ISCA2: variants seen among roughly 807,000 people sequenced by gnomAD.
ISCA2 encodes the protein iron-sulfur cluster assembly 2.
In ISCA2, 21 loss-of-function variants were observed where a neutral mutation model predicts 19.1. That is an observed-to-expected ratio of 1.10 (90% CI 0.78 to 1.59). The LOEUF is 1.59. ISCA2 is among the 40% of genes most tolerant of loss of function. ISCA2 has a pLI of 0.00. For synonymous variants in ISCA2, 107 were observed against 83.8 expected (o/e 1.28, Z -1.51); for missense variants, 181 against 191.7 (o/e 0.94, Z 0.33).
At position 74,495,042 on chromosome 14, in the gene ISCA2, A is replaced by G. The variant is rs2086833215; in HGVS notation, c.*42A>G. On this transcript the variant is annotated 3_prime_UTR_variant, in exon 4 of 4. Coordinates refer to ENST00000556816, the MANE Select transcript of ISCA2 (RefSeq NM_194279.4). ...TCTGGGATTGTCACCAGTTGTACCAATTTGAAGAACCTGGAATTAGTAGAA... is the reference window on the plus strand; with the variant it reads ...TCTGGGATTGTCACCAGTTGTACCAGTTTGAAGAACCTGGAATTAGTAGAA... 1 of 1,443,472 alleles carries G rather than the reference A, an allele frequency of 6.9e-7. No individual in the cohort carries two copies. Among genetic ancestry groups the G allele is most frequent in the African/African-American group, 1.4e-5 (1 of 70,956 alleles). The allele number at this position is 1,443,472 out of a possible 1,614,324, so 89.4% of individuals were successfully genotyped here.
intron 3 of ISCA2, 39 bp from the exon 4 acceptor site, chr14:74,494,787 T>C (rs749441736): frequency 1.3e-6 from 2 of 1,589,564 alleles, no homozygotes; most frequent in Admixed American, 3.5e-5. Flanking sequence ...CTTTTTTGTG[T>C]TTGCGATACT....
At position 74,494,289 on chromosome 14, in the gene ISCA2, C is replaced by T. The variant is rs2086819732; in HGVS notation, c.189C>T (p.Ile63=). The T allele has an allele frequency of 3.7e-6, 6 of 1,614,000 alleles. No individual in the cohort carries two copies. Among genetic ancestry groups the T allele is most frequent in the Non-Finnish European group, 5.1e-6 (6 of 1,179,844 alleles). ...CTGCATTTCAGAGGCTTTTGGAAAT[C>T]ACCGAAGGGTCAGAATTCCTCAGGC... ...TDSCVQRLLE[I]TEGSEFLRLQ... The change falls in exon 3 of 4, where the codon ATC becomes ATT. Residue 63 remains isoleucine (I), a synonymous_variant. Coordinates refer to ENST00000556816, the MANE Select transcript of ISCA2 (RefSeq NM_194279.4).
chr14:74,494,108 G>C lies in ISCA2; in HGVS notation c.130G>C (p.Glu44Gln), dbSNP rs201157942. ...TCGGGAGGCGTCGTCCTCCAGCCCC[G>C]AGGCCGGCGAAGGGCAGATCCGCCT... ...ARREASSSSP[E>Q]AGEGQIRLTD... The change falls in exon 2 of 4, where the codon GAG becomes CAG. Residue 44 changes from glutamate to glutamine, a missense_variant. Physicochemically the swap from Glu to Gln is conservative, Grantham distance 29. Transcript: ENST00000556816. The C allele has an allele frequency of 6.7e-5, 105 of 1,576,068 alleles. No homozygotes were observed. In the East Asian group the frequency reaches 2.2e-3, roughly 33 times the overall value.
intron 3 of ISCA2, 40 bp downstream of exon 3, chr14:74,494,430 G>A (rs1217579439): frequency 4.9e-6 from 7 of 1,435,400 alleles, no homozygotes; most frequent in Non-Finnish European, 6.9e-6. Context: ...AGGTACAGGA[G>A]GGACAAAAGT....
intron 2 of ISCA2, 43 bp from the exon 3 acceptor site, chr14:74,494,232 C>A: frequency 6.3e-7 from 1 of 1,598,790 alleles, no homozygotes; most frequent in Non-Finnish European, 8.6e-7. Flanking sequence ...AGCCCTTTAA[C>A]TCCCGTTTCC....
rs2086847626 is a variant in ISCA2 at position 74,496,498 on chromosome 14, T to C, written c.*1498T>C. ...GAAGGAGGCAGAAAGCAGCATACCA[T>C]GGGAGCATCTGTGTGCACACATGAC... On this transcript the variant is annotated 3_prime_UTR_variant, in exon 4 of 4. Transcript: ENST00000556816. 6.6e-6 allele frequency: 1 copy of C among 152,178 alleles called. No homozygotes were observed. Among genetic ancestry groups the C allele is most frequent in the Non-Finnish European group, 1.5e-5 (1 of 68,042 alleles). 9.4% of individuals were successfully genotyped at this position (152,178 alleles called of 1,614,324 possible). A position where few individuals can be genotyped will look rare whatever the true frequency, so the allele number is the denominator to read the frequency against.
chr14:74,494,070 G>A lies in ISCA2; in HGVS notation c.92G>A (p.Gly31Glu). The stretch of plus-strand genomic sequence containing the variant: ...CGCAGGCTCCTCACGGCCTCCCTGG[G>A]ACCCCAGGCGCGTCGGGAGGCGTCG... The part of the protein sequence containing the change: ...PRGRLLTASL[G>E]PQARREASSS... The change falls in exon 2 of 4, where the codon GGA becomes GAA. Residue 31 changes from glycine (G) to glutamate (E), a missense_variant. Coordinates refer to ENST00000556816, the MANE Select transcript of ISCA2 (RefSeq NM_194279.4). 1.3e-6 allele frequency: 2 copies of A among 1,548,394 alleles called. No homozygotes were observed. Among genetic ancestry groups the A allele is most frequent in the Non-Finnish European group, 1.7e-6 (2 of 1,150,146 alleles).
At position 74,493,909 on chromosome 14, in the gene ISCA2, A is replaced by C. The variant is rs1237095762; in HGVS notation, c.71+64A>C. The C allele has an allele frequency of 1.3e-6, 2 of 1,509,550 alleles. No individual in the cohort carries two copies. The highest frequency in any genetic ancestry group is 1.8e-6 in the Non-Finnish European group (2 of 1,110,726). 93.5% of individuals were successfully genotyped at this position (1,509,550 alleles called of 1,614,324 possible). On this transcript the variant is annotated intron_variant, in intron 1 of 3. Coordinates refer to ENST00000556816, the MANE Select transcript of ISCA2 (RefSeq NM_194279.4). This position sits in a 1 kb window ranked among gnomAD's most constrained non-coding sequence, Gnocchi z 4.1. ...TTCTGCGCCTCTAGGACAAATGGGA[A>C]ACTAAGGCCTGTGGGGGATGCGAGG...
intron 1 of ISCA2, 27 bp from the exon 2 acceptor site, chr14:74,494,023 G>A: frequency 6.6e-7 from 1 of 1,524,108 alleles, no homozygotes; most frequent in Non-Finnish European, 8.8e-7. Flanking sequence ...TTCTGCTCCC[G>A]GGCTCACCCT....
At chr14:74,494,237 G>C in intron 2 of ISCA2, 38 bp from the exon 3 acceptor site, 14 of 1,601,530 alleles carry the variant, frequency 8.7e-6, no homozygotes, top group Non-Finnish European at 1.2e-5. Context: ...TTTAACTCCC[G>C]TTTCCCGCTA....
At chr14:74,494,585 C>T (rs1235960114) in intron 3 of ISCA2, 195 bp downstream of exon 3, 1 of 625,076 alleles carries the variant, frequency 1.6e-6, no homozygotes, top group South Asian at 2.0e-5. Flanking sequence ...ATTGATCTGC[C>T]CAGGTCCATT....
rs1412525145 is a variant in ISCA2 at position 74,496,963 on chromosome 14, A to AAAATT, written c.*1966_*1970dup. 1 of 152,108 alleles carries AAAATT rather than the reference A, an allele frequency of 6.6e-6. No individual in the cohort carries two copies. Among genetic ancestry groups the AAAATT allele is most frequent in the Non-Finnish European group, 1.5e-5 (1 of 68,038 alleles). 9.4% of individuals were successfully genotyped at this position (152,108 alleles called of 1,614,324 possible). On this transcript the variant is annotated 3_prime_UTR_variant, in exon 4 of 4. Coordinates refer to ENST00000556816, the MANE Select transcript of ISCA2 (RefSeq NM_194279.4). ...AAACCCCATCTCTACTAAAAATACA[A>AAAATT]AAATTAACTGCGTGGTGGACACCTG... is the stretch of plus-strand genomic sequence containing the variant.
chr14:74,493,799 C>T lies in ISCA2; in HGVS notation c.25C>T (p.Leu9=), dbSNP rs1478129518. The part of the protein sequence containing the change: MAAAWGSS[L]TAATQRAVTP... ...GATGGCTGCCGCCTGGGGGTCGTCC[C>T]TAACGGCCGCGACGCAGAGAGCGGT... Residue 9 remains leucine, a synonymous_variant, in exon 1 of 4, where the codon CTA becomes TTA. Transcript: ENST00000556816. The surrounding 1 kb of genome is among the most constrained non-coding windows in gnomAD (Gnocchi z 4.1). The T allele has an allele frequency of 7.8e-6, 12 of 1,537,478 alleles. No homozygotes were observed. Among genetic ancestry groups the T allele is most frequent in the Non-Finnish European group, 9.6e-6 (11 of 1,144,852 alleles).
Position 74,494,875 on chromosome 14 carries a change from G to T in ISCA2, c.340G>T (p.Ala114Ser). 3 of 1,614,180 alleles carry T rather than the reference G, an allele frequency of 1.9e-6. No individual in the cohort carries two copies. The highest frequency in any genetic ancestry group is 2.5e-6 in the Non-Finnish European group (3 of 1,180,014). ...AGTGGTGGTTGACTCTGATAGCTTG[G>T]CCTTCGTGAAAGGGGCCCAGGTGGA... ...ARVVVDSDSL[A>S]FVKGAQVDFS... Residue 114 changes from alanine to serine, a missense_variant, in exon 4 of 4, where the codon GCC (alanine) becomes TCC (serine). Transcript: ENST00000556816.
At chr14:74,494,014 T>G (rs1281785660) in intron 1 of ISCA2, 36 bp from the exon 2 acceptor site, 4 of 1,519,528 alleles carry the variant, frequency 2.6e-6, no homozygotes, top group Non-Finnish European at 3.5e-6. Flanking sequence ...AGGTGCCCCT[T>G]CTGCTCCCGG....
rs927543650 is a variant in ISCA2, at chr14:74,494,134, CACAG to C, written c.161_164del (p.Asp54ValfsTer62). 2 of 1,587,634 alleles carry C rather than the reference CACAG, an allele frequency of 1.3e-6. No homozygotes were observed. Among genetic ancestry groups the C allele is most frequent in the African/African-American group, 2.7e-5 (2 of 74,392 alleles). On this transcript the variant is annotated frameshift_variant, in exon 2 of 4. Coordinates refer to ENST00000556816, the MANE Select transcript of ISCA2 (RefSeq NM_194279.4). LOFTEE classifies it high-confidence loss of function. ...AGGCCGGCGAAGGGCAGATCCGCCT[CACAG>C]ACAGTTGCGTCCAGGTAGGAGGCCG...
In ISCA2 at chr14:74,494,367, T is replaced by C; in HGVS notation, c.267T>C (p.Asp89=). 2 of 1,613,916 alleles carry C rather than the reference T, an allele frequency of 1.2e-6. No individual in the cohort carries two copies. Among genetic ancestry groups the C allele is most frequent in the African/African-American group, 2.7e-5 (2 of 75,018 alleles). ...CSGFQYKFSL[D]TVINPDDRVF... ...GATTCCAATACAAATTTTCACTGGA[T>C]ACAGTTATCAACCCCGACGACAGGC... The change falls in exon 3 of 4, where the codon GAT becomes GAC. Residue 89 remains aspartate, a synonymous_variant. Transcript: ENST00000556816.
intron 1 of ISCA2, 40 bp from the exon 2 acceptor site, chr14:74,494,010 C>T: frequency 6.6e-7 from 1 of 1,509,710 alleles, no homozygotes; most frequent in Non-Finnish European, 8.9e-7. Context: ...TGCAAGGTGC[C>T]CCTTCTGCTC....
Position 74,494,056 on chromosome 14 carries a change from C to A in ISCA2, c.78C>A (p.Leu26=). The change falls in exon 2 of 4, where the codon CTC becomes CTA. Residue 26 remains leucine, a synonymous_variant. Coordinates refer to ENST00000556816, the MANE Select transcript of ISCA2 (RefSeq NM_194279.4). ...AVTPWPRGRL[L]TASLGPQARR... ...CCTCCTCCCTTGCGCGCAGGCTCCT[C>A]ACGGCCTCCCTGGGACCCCAGGCGC... 6.5e-7 allele frequency: 1 copy of A among 1,541,054 alleles called. No individual in the cohort carries two copies. The highest frequency in any genetic ancestry group is 2.4e-5 in the East Asian group (1 of 41,044).
Sources: allele counts gnomAD v4.1 joint callset, GRCh38; gene constraint gnomAD v4.1.1; non-coding constraint Gnocchi (gnomAD v3.1); transcripts MANE v1.5; gene names NCBI Gene and HGNC (gene_info 2026-07-23, HGNC 2026-07-21).